KNL1: variants seen among roughly 807,000 people sequenced by gnomAD.
The protein encoded by KNL1 is kinetochore scaffold 1.
A neutral mutation model predicts 201.3 loss-of-function variants in KNL1; 66 were observed. The observed-to-expected ratio is 0.33, with a 90% CI of 0.27 to 0.40. The LOEUF (loss-of-function observed/expected upper bound fraction) is 0.40, where lower values mean the gene tolerates loss of function less well. Among genes scored for constraint, KNL1 ranks in the 10% least tolerant of loss-of-function variants. KNL1 has a pLI of 1.00. For missense variants in KNL1, 2,815 were observed against 2,690.5 expected (o/e 1.05, Z -1.02); for synonymous variants, 895 against 899.2 (o/e 1.00, Z 0.08).
At chr15:40,639,591 A>G (rs181602348) in intron 13 of KNL1, among the ~76,000 whole-genome samples, 403 of 151,932 alleles carry the variant, frequency 2.7e-3, no homozygotes, top group Non-Finnish European at 4.4e-3. Context: ...ATCTCAAAAA[A>G]AAAAAAAGGA....
At chr15:40,608,598 A>G (rs1892052081) in intron 4 of KNL1, among the ~76,000 whole-genome samples, 1 of 151,906 alleles carries the variant, frequency 6.6e-6, no homozygotes, top group African/African-American at 2.4e-5. Flanking sequence ...ATACAGAATT[A>G]GTTGGTCGTG....
At chr15:40,648,467 T>C (rs1380283612) in intron 17 of KNL1, among the ~76,000 whole-genome samples, 1 of 152,144 alleles carries the variant, frequency 6.6e-6, no homozygotes, top group African/African-American at 2.4e-5. Flanking sequence ...AAAAATAAAA[T>C]TCAAAAACTT....
At chr15:40,598,624 G>A (rs947818040) in intron 1 of KNL1, among the ~76,000 whole-genome samples, 1 of 152,010 alleles carries the variant, frequency 6.6e-6, no homozygotes, top group Non-Finnish European at 1.5e-5. Context: ...TGGGGATATT[G>A]GGGATATATA....
chr15:40,635,773 A>G (rs1008853840), intron 13 of KNL1, among the ~76,000 whole-genome samples: 1 of 152,182 alleles, frequency 6.6e-6, no homozygotes, highest in African/African-American at 2.4e-5. Flanking sequence ...AGAAGGTGCT[A>G]TTGTAGAGGC....
At chr15:40,649,065 C>T (rs761955495) in intron 17 of KNL1, among the ~76,000 whole-genome samples, 53 of 150,376 alleles carry the variant, frequency 3.5e-4, no homozygotes, top group Middle Eastern at 3.5e-3. Context: ...CTCGAACTCC[C>T]GACCTCAGGT....
At position 40,622,940 on chromosome 15, in the gene KNL1, T is replaced by C. The variant is rs374301092; in HGVS notation, c.2676T>C (p.Asp892=). Residue 892 remains aspartate (D), a synonymous_variant, in exon 10 of 26, where the codon GAT becomes GAC. Transcript: ENST00000399668. The part of the protein sequence containing the change: ...INHRPLLEKR[D]CHLVPLAGTS... Reference sequence around the variant, plus strand: ...ATAGACCTTTATTAGAGAAACGTGATTGTCATTTGGTGCCATTGGCAGGAA... The same window carrying C: ...ATAGACCTTTATTAGAGAAACGTGACTGTCATTTGGTGCCATTGGCAGGAA... 149 of 1,613,376 alleles carry C rather than the reference T, an allele frequency of 9.2e-5. No homozygotes were observed. Among genetic ancestry groups the C allele is most frequent in the Admixed American group, 2.0e-4 (12 of 59,872 alleles).
chr15:40,629,471 CT>C (rs11368953), intron 13 of KNL1, 100 bp downstream of exon 13: 4,936 of 190,458 alleles, frequency 0.026, no homozygotes, highest in Middle Eastern at 0.042. Context: ...AGAGAGTTTT[CT>C]TTTTTTTTTT....
chr15:40,625,726 T>C (rs770183034), intron 10 of KNL1, 86 bp downstream of exon 10: 10 of 1,041,202 alleles, frequency 9.6e-6, no homozygotes, highest in Admixed American at 2.4e-5. Context: ...CAAATTTTAA[T>C]CTTAGTCTCG....
chr15:40,636,659 C>G (rs945775930), intron 13 of KNL1, among the ~76,000 whole-genome samples: 2 of 151,974 alleles, frequency 1.3e-5, no homozygotes, highest in South Asian at 2.1e-4. Context: ...TGAAACCCCC[C>G]CTCTACCAAA....
In KNL1 at chr15:40,659,475, C is replaced by T. The variant is rs1226035559; in HGVS notation, c.6836+14C>T. On this transcript the variant is annotated intron_variant, in intron 25 of 25. Transcript: ENST00000399668. The stretch of plus-strand genomic sequence containing the variant: ...TGGGAACACTAGGTGAGTAAAGGGC[C>T]AACAGGGTAAGACTCTGGGCTACTT... 1.9e-6 allele frequency: 3 copies of T among 1,609,250 alleles called. No individual in the cohort carries two copies. The highest frequency in any genetic ancestry group is 1.1e-5 in the South Asian group (1 of 90,422).
Position 40,625,608 on chromosome 15 carries a change from A to G in KNL1, c.5344A>G (p.Ile1782Val). 6.2e-7 allele frequency: 1 copy of G among 1,610,628 alleles called. No homozygotes were observed. Among genetic ancestry groups the G allele is most frequent in the Non-Finnish European group, 8.5e-7 (1 of 1,179,188 alleles). The change falls in exon 10 of 26, where the codon ATT becomes GTT. Residue 1782 changes from isoleucine to valine, a missense_variant. Ile to Val is a conservative substitution (Grantham distance 29). Coordinates refer to ENST00000399668, the MANE Select transcript of KNL1 (RefSeq NM_144508.5). Reference protein sequence around the residue: ...HKEKKIRKNEIKFSDTTQDRE... With the variant: ...HKEKKIRKNEVKFSDTTQDRE... ...GGAGAAAAAAATCAGAAAAAATGAG[A>G]TTAAGTTTAGTGATACGACACAAGA...
At position 40,624,822 on chromosome 15, in the gene KNL1, C is replaced by A; in HGVS notation, c.4558C>A (p.Leu1520Ile). 2 of 1,613,414 alleles carry A rather than the reference C, an allele frequency of 1.2e-6. No individual in the cohort carries two copies. The highest frequency in any genetic ancestry group is 1.1e-5 in the South Asian group (1 of 91,062). The change falls in exon 10 of 26, where the codon CTA becomes ATA. Residue 1520 changes from leucine to isoleucine, a missense_variant. Transcript: ENST00000399668. ...TCAAACAACTAACTATAATACAGCT[C>A]TAGATTTCCACAGTAACTCAGACGT... ...NIQTTNYNTALDFHSNSDVTK... is the reference protein window; with the variant it reads ...NIQTTNYNTAIDFHSNSDVTK...
rs1892487087 is a variant in KNL1, at chr15:40,620,660, C to T, written c.396C>T (p.Thr132=). 2.5e-6 allele frequency: 4 copies of T among 1,576,846 alleles called. No individual in the cohort carries two copies. The highest frequency in any genetic ancestry group is 3.4e-6 in the Non-Finnish European group (4 of 1,165,124). ...QQKEFSIIEH[T]RERKHANDQT... is the part of the protein sequence containing the mutation. ...TATAGTTTTCAATTATAGAACATAC[C>T]CGTGAAAGGAAACATGCAAATGACC... Residue 132 remains threonine, a synonymous_variant, in exon 10 of 26, where the codon ACC becomes ACT. Coordinates refer to ENST00000399668, the MANE Select transcript of KNL1 (RefSeq NM_144508.5).
intron 21 of KNL1, among the ~76,000 whole-genome samples, chr15:40,654,113 T>C (rs1341213394): frequency 6.6e-6 from 1 of 152,148 alleles, no homozygotes; most frequent in Non-Finnish European, 1.5e-5. Context: ...GCCTAACACA[T>C]AGAAAATATG....
intron 7 of KNL1, among the ~76,000 whole-genome samples, chr15:40,613,560 G>T (rs915700853): frequency 1.9e-4 from 29 of 152,060 alleles, no homozygotes; most frequent in African/African-American, 6.7e-4. Flanking sequence ...AAATAAAAAG[G>T]TACAGAAGTA....
chr15:40,615,275 C>T, intron 7 of KNL1, 66 bp from the exon 8 acceptor site: 1 of 488,878 alleles, frequency 2.0e-6, no homozygotes, highest in Non-Finnish European at 3.7e-6. Flanking sequence ...ACTCTTTCAG[C>T]TGTTATTGAA....
intron 7 of KNL1, among the ~76,000 whole-genome samples, chr15:40,612,433 A>G (rs1374763526): frequency 6.8e-6 from 1 of 147,200 alleles, no homozygotes; most frequent in Non-Finnish European, 1.5e-5. Context: ...CGGAGGTTGC[A>G]GTGAGCTGAG....
chr15:40,624,724 A>G lies in KNL1; in HGVS notation c.4460A>G (p.Glu1487Gly). 6.2e-7 allele frequency: 1 copy of G among 1,613,550 alleles called. No individual in the cohort carries two copies. ...GAAAATTCCTCTGCACCCATATGTG[A>G]AAACAAGCCCAAAATACTCAATAGT... Reference protein sequence around the residue: ...IIENSSAPICENKPKILNSEE... With the variant: ...IIENSSAPICGNKPKILNSEE... Residue 1487 changes from glutamate to glycine, a missense_variant, in exon 10 of 26, where the codon GAA becomes GGA. By Grantham distance (98) the Glu-to-Gly change is moderately conservative (BLOSUM62 -2). Coordinates refer to ENST00000399668, the MANE Select transcript of KNL1 (RefSeq NM_144508.5).
Position 40,623,082 on chromosome 15 carries a change from G to C in KNL1, c.2818G>C (p.Asp940His). The part of the protein sequence containing the change: ...SPDEITTRPM[D>H]KTVVFVDNHV... ...AGATGAAATAACTACTAGGCCTATG[G>C]ACAAAACTGTAGTGTTTGTAGATAA... is the stretch of plus-strand genomic sequence containing the variant. Residue 940 changes from aspartate (D) to histidine (H), a missense_variant, in exon 10 of 26, where the codon GAC (aspartate) becomes CAC (histidine). By Grantham distance (81) the Asp-to-His change is moderately conservative. Transcript: ENST00000399668. 1.2e-6 allele frequency: 2 copies of C among 1,613,920 alleles called. No individual in the cohort carries two copies. The highest frequency in any genetic ancestry group is 1.7e-6 in the Non-Finnish European group (2 of 1,179,894).
Sources: gnomAD v4.1 joint callset for allele counts (sites outside exome capture counted in the v4.1 genomes callset) on GRCh38, gnomAD v4.1.1 for gene constraint, MANE v1.5 for transcripts, NCBI Gene and HGNC (gene_info 2026-07-23, HGNC 2026-07-21) for gene names.